The following AUTS2 variants were observed in gnomAD, a reference collection of about 807,000 sequenced individuals.
AUTS2 encodes the protein autism susceptibility gene 2 protein.
Under a neutral mutation model 112.4 loss-of-function variants are expected in AUTS2, and 17 were observed. That is an observed-to-expected ratio of 0.15 (90% confidence interval 0.10 to 0.23). The LOEUF is 0.23. AUTS2 is among the 10% of genes least tolerant of loss of function. The probability of loss-of-function intolerance (pLI) is 1.00; values close to 1 mark genes in which losing one functional copy is unlikely to be tolerated. For missense variants in AUTS2, 1,510 were observed against 1,701.6 expected (o/e 0.89, Z 1.98); for synonymous variants, 751 against 702.7 (o/e 1.07, Z -1.09).
intron 2 of AUTS2, among the ~76,000 whole-genome samples, chr7:70,077,201 T>C (rs1216615714): frequency 6.6e-6 from 1 of 150,908 alleles, no homozygotes; most frequent in Non-Finnish European, 1.5e-5. Flanking sequence ...TAGACATCTG[T>C]TGCTGACCTT....
At chr7:70,527,983 C>A (rs1327728434) in intron 5 of AUTS2, among the ~76,000 whole-genome samples, 1 of 151,966 alleles carries the variant, frequency 6.6e-6, no homozygotes, top group African/African-American at 2.4e-5. Flanking sequence ...CCACTCCTAA[C>A]ACACCTGCTT....
rs183165474 is a variant in AUTS2 at position 70,474,982 on chromosome 7, C to T, written c.690+39201C>T. The stretch of plus-strand genomic sequence containing the variant: ...TGTAACCTTCCCAGAATCAGGTTAC[C>T]CTAGAGGGCAGTGACATTTATATCT... On this transcript the variant is annotated intron_variant, in intron 5 of 18. Coordinates refer to ENST00000342771, the MANE Select transcript of AUTS2 (RefSeq NM_015570.4). 2.5e-4 allele frequency among the ~76,000 whole-genome samples: 38 copies of T among 152,250 alleles called. 1 individual carries two copies. Among genetic ancestry groups the T allele is most frequent in the African/African-American group, 8.7e-4 (36 of 41,550 alleles).
At chr7:69,747,784 G>GTGTGT (rs1787560248) in intron 1 of AUTS2, among the ~76,000 whole-genome samples, 1 of 144,502 alleles carries the variant, frequency 6.9e-6, no homozygotes, top group Admixed American at 6.9e-5. Flanking sequence ...GAAGGAGAGG[G>GTGTGT]GTGTGTGTGT....
chr7:70,473,546 G>C (rs1257656800), intron 5 of AUTS2, among the ~76,000 whole-genome samples: 2 of 152,154 alleles, frequency 1.3e-5, no homozygotes, highest in Non-Finnish European at 2.9e-5. Context: ...GCATGAATCT[G>C]ACTTGCTTAA....
chr7:70,582,984 G>C (rs1178867045), intron 5 of AUTS2, among the ~76,000 whole-genome samples: 1 of 152,160 alleles, frequency 6.6e-6, no homozygotes, highest in African/African-American at 2.4e-5. Context: ...GGAAGGACTT[G>C]TTTTAATACA....
At chr7:70,257,302 A>T (rs1374337826) in intron 4 of AUTS2, among the ~76,000 whole-genome samples, 2 of 151,992 alleles carry the variant, frequency 1.3e-5, no homozygotes, top group Non-Finnish European at 2.9e-5. Context: ...CACCACACCC[A>T]GTTCATTTTG....
At chr7:70,789,691 C>T (rs922418911) in intron 18 of AUTS2, 57 bp from the exon 19 acceptor site, 15 of 1,558,854 alleles carry the variant, frequency 9.6e-6, no homozygotes, top group Middle Eastern at 3.4e-4. Flanking sequence ...GCCCCTGGCC[C>T]GGCCGACTCG....
chr7:69,962,202 G>T (rs1797458456), intron 2 of AUTS2, among the ~76,000 whole-genome samples: 1 of 152,108 alleles, frequency 6.6e-6, no homozygotes. Flanking sequence ...CAAAATCCTG[G>T]ATGGGCCTCT....
intron 2 of AUTS2, among the ~76,000 whole-genome samples, chr7:69,919,279 T>C (rs1283356059): frequency 1.3e-5 from 2 of 152,212 alleles, no homozygotes; most frequent in African/African-American, 2.4e-5. Context: ...GCTATTGATA[T>C]TGATATAAGA....
chr7:69,796,321 C>T (rs905365800), intron 1 of AUTS2, among the ~76,000 whole-genome samples: 1 of 152,026 alleles, frequency 6.6e-6, no homozygotes, highest in Non-Finnish European at 1.5e-5. Flanking sequence ...AGTTTGAGAC[C>T]AGCCTGAGCA....
At chr7:70,225,690 T>C (rs1811726064) in intron 4 of AUTS2, among the ~76,000 whole-genome samples, 1 of 152,192 alleles carries the variant, frequency 6.6e-6, no homozygotes, top group South Asian at 2.1e-4. Context: ...TCAAAAACAC[T>C]GATGACTTAT....
chr7:69,896,522 C>T (rs966061880), intron 1 of AUTS2, among the ~76,000 whole-genome samples: 1 of 151,764 alleles, frequency 6.6e-6, no homozygotes, highest in African/African-American at 2.4e-5. Flanking sequence ...TTCGTGTATA[C>T]CAGCAGTGCA....
At chr7:70,301,213 G>A (rs1789194268) in intron 4 of AUTS2, among the ~76,000 whole-genome samples, 1 of 152,168 alleles carries the variant, frequency 6.6e-6, no homozygotes, top group South Asian at 2.1e-4. Flanking sequence ...GAAAATGTCA[G>A]CAAGTGTATT....
chr7:70,526,804 G>A (rs1799860124), intron 5 of AUTS2, among the ~76,000 whole-genome samples: 2 of 152,168 alleles, frequency 1.3e-5, no homozygotes, highest in Non-Finnish European at 2.9e-5. Flanking sequence ...TGCCTTTGAA[G>A]TTCCTGCCCT....
At chr7:70,335,578 G>T (rs1429493250) in intron 4 of AUTS2, among the ~76,000 whole-genome samples, 2 of 152,196 alleles carry the variant, frequency 1.3e-5, no homozygotes, top group East Asian at 3.9e-4. Context: ...GGAGCACTTG[G>T]TACAAATGTT....
chr7:70,171,995 T>A (rs1431873784), intron 4 of AUTS2, among the ~76,000 whole-genome samples: 2 of 152,134 alleles, frequency 1.3e-5, no homozygotes, highest in Non-Finnish European at 2.9e-5. Flanking sequence ...TGGGGTCAGA[T>A]GATTGCAGAT....
intron 4 of AUTS2, among the ~76,000 whole-genome samples, chr7:70,315,823 T>C (rs745731975): frequency 1.3e-5 from 2 of 152,198 alleles, no homozygotes; most frequent in Non-Finnish European, 2.9e-5. Context: ...CCATCTTGGC[T>C]AAGGCTTCTC....
At chr7:70,098,105 C>T (rs1359408159) in intron 2 of AUTS2, among the ~76,000 whole-genome samples, 1 of 152,050 alleles carries the variant, frequency 6.6e-6, no homozygotes, top group Non-Finnish European at 1.5e-5. Context: ...AGCAGGGGCC[C>T]AGTATAATTT....
chr7:70,386,943 C>A (rs1793637804), intron 4 of AUTS2, among the ~76,000 whole-genome samples: 1 of 152,154 alleles, frequency 6.6e-6, no homozygotes. Flanking sequence ...ATTTAAATAA[C>A]CAAGTGTTCA....
Sources: allele counts gnomAD v4.1 joint callset (sites outside exome capture counted in the v4.1 genomes callset), GRCh38; gene constraint gnomAD v4.1.1; transcripts MANE v1.5; gene names NCBI Gene and HGNC (gene_info 2026-07-23, HGNC 2026-07-21).